Variants in MEGF10 observed in about 807,000 individuals in gnomAD.
MEGF10 encodes the protein multiple epidermal growth factor-like domains protein 10.
A neutral mutation model predicts 147.5 loss-of-function variants in MEGF10; 86 were observed. That is an observed-to-expected ratio of 0.58 (90% CI 0.49 to 0.70). The LOEUF (loss-of-function observed/expected upper bound fraction) is 0.70, where lower values mean the gene tolerates loss of function less well. Ranked by LOEUF, MEGF10 falls within the 30% of genes least tolerant of loss-of-function variation. The pLI, the probability that MEGF10 is intolerant of heterozygous loss-of-function variation, is 0.00. For synonymous variants in MEGF10, 478 were observed against 525.5 expected (o/e 0.91, Z 1.24); for missense variants, 1,329 against 1,487.3 (o/e 0.89, Z 1.75).
the MEGF10 span, among the ~76,000 whole-genome samples, chr5:127,240,714 T>C: frequency 6.6e-6 from 1 of 152,232 alleles, no homozygotes; most frequent in African/African-American, 2.4e-5. Context: ...CACATCATTC[T>C]GTCAGCCCCT....
the MEGF10 span, among the ~76,000 whole-genome samples, chr5:127,247,285 G>A: frequency 8.5e-6 from 1 of 117,236 alleles, no homozygotes; most frequent in Non-Finnish European, 1.8e-5. Context: ...GTGTGTGGTT[G>A]GGGGGTGGGG....
chr5:127,434,841 G>A lies in MEGF10; in HGVS notation c.1975+20G>A, dbSNP rs1319628900. The A allele has an allele frequency of 3.7e-5, 60 of 1,606,900 alleles. No individual in the cohort carries two copies. Among genetic ancestry groups the A allele is most frequent in the Non-Finnish European group, 4.8e-5 (57 of 1,178,276 alleles). On this transcript the variant is annotated intron_variant, in intron 15 of 24. Coordinates refer to ENST00000503335, the MANE Select transcript of MEGF10 (RefSeq NM_001256545.2). The stretch of plus-strand genomic sequence containing the variant: ...ATGAAGGTAAGGCACGAAGCATCCC[G>A]GACAGCTGGGTGGTGATGAGCACGC...
At chr5:127,445,214 G>A (rs777045638) in intron 19 of MEGF10, 8 of 500,162 alleles carry the variant, frequency 1.6e-5, no homozygotes, top group Admixed American at 1.4e-4. Context: ...CTCCGGGCAC[G>A]CATCACTGTG....
At chr5:127,241,964 C>T in the MEGF10 span, among the ~76,000 whole-genome samples, 2 of 152,024 alleles carry the variant, frequency 1.3e-5, no homozygotes, top group Admixed American at 6.6e-5. Context: ...ATTTTAGAAA[C>T]AGTAGATATA....
chr5:127,452,244 T>A (rs1028044260), intron 22 of MEGF10, among the ~76,000 whole-genome samples: 1 of 152,222 alleles, frequency 6.6e-6, no homozygotes, highest in Non-Finnish European at 1.5e-5. Flanking sequence ...GCTGGTTCTC[T>A]CTTTCACACC....
chr5:127,253,105 G>A, the MEGF10 span, among the ~76,000 whole-genome samples: 2 of 151,900 alleles, frequency 1.3e-5, no homozygotes, highest in African/African-American at 4.8e-5. Context: ...ATGCAAAAGT[G>A]ATTTAACACT....
intron 1 of MEGF10, among the ~76,000 whole-genome samples, chr5:127,301,140 AT>A (rs1319452179): frequency 6.6e-6 from 1 of 152,178 alleles, no homozygotes; most frequent in Non-Finnish European, 1.5e-5. Context: ...TCTTTGGCTT[AT>A]CTCCGTCACT....
chr5:127,251,720 T>C, the MEGF10 span, among the ~76,000 whole-genome samples: 1 of 151,842 alleles, frequency 6.6e-6, no homozygotes, highest in South Asian at 2.1e-4. Flanking sequence ...AGAAAAAATA[T>C]AAGCTTGGGG....
intron 4 of MEGF10, among the ~76,000 whole-genome samples, chr5:127,365,010 A>G (rs1762605501): frequency 6.6e-6 from 1 of 152,196 alleles, no homozygotes; most frequent in Non-Finnish European, 1.5e-5. Flanking sequence ...AATGATGCTC[A>G]GTAAAGGCAC....
chr5:127,446,076 T>C (rs1765933286), intron 20 of MEGF10, among the ~76,000 whole-genome samples: 1 of 152,178 alleles, frequency 6.6e-6, no homozygotes, highest in Admixed American at 6.5e-5. Flanking sequence ...TGTCTCTGAA[T>C]GAGGGTACTT....
At chr5:127,441,649 T>C (rs945218054) in intron 18 of MEGF10, among the ~76,000 whole-genome samples, 8 of 152,254 alleles carry the variant, frequency 5.3e-5, no homozygotes, top group African/African-American at 1.9e-4. Flanking sequence ...ACCCACTTTC[T>C]TATGATAAAA....
At chr5:127,339,380 A>G (rs1761592247) in intron 3 of MEGF10, among the ~76,000 whole-genome samples, 159 bp downstream of exon 3, 1 of 152,154 alleles carries the variant, frequency 6.6e-6, no homozygotes, top group Non-Finnish European at 1.5e-5. Context: ...GGGGATGTAG[A>G]AAAGCAGAAA....
In MEGF10 at chr5:127,443,152, G is replaced by T. The variant is rs751531981; in HGVS notation, c.2491+26G>T. 1.9e-6 allele frequency: 3 copies of T among 1,604,832 alleles called. No homozygotes were observed. The Admixed American group carries it at 5.0e-5, about 27-fold the overall frequency. ...GTAAATATACTAGCTAATGTTTGTA[G>T]CACTGCAGTATTGTGTGAACACCAT... On this transcript the variant is annotated intron_variant, in intron 19 of 24. Transcript: ENST00000503335.
chr5:127,274,496 T>C, the MEGF10 span, among the ~76,000 whole-genome samples: 1 of 152,138 alleles, frequency 6.6e-6, no homozygotes, highest in Non-Finnish European at 1.5e-5. Flanking sequence ...TACTTTAGAA[T>C]GATATAATAA....
chr5:127,345,003 A>C (rs1761829157), intron 4 of MEGF10, among the ~76,000 whole-genome samples: 1 of 152,222 alleles, frequency 6.6e-6, no homozygotes. Flanking sequence ...ACAGTAGCTC[A>C]GAAAGATCCT....
chr5:127,423,279 A>G (rs1765090968), intron 13 of MEGF10, among the ~76,000 whole-genome samples: 2 of 152,370 alleles, frequency 1.3e-5, no homozygotes, highest in Admixed American at 6.5e-5. Flanking sequence ...TGACAAATTC[A>G]TAATATGACT....
At chr5:127,355,510 T>TA (rs1251704593) in intron 4 of MEGF10, among the ~76,000 whole-genome samples, 2 of 152,154 alleles carry the variant, frequency 1.3e-5, no homozygotes, top group Non-Finnish European at 2.9e-5. Flanking sequence ...AGGGACCCTG[T>TA]ACTCTGTTGC....
chr5:127,269,158 G>T, the MEGF10 span, among the ~76,000 whole-genome samples: 1 of 152,246 alleles, frequency 6.6e-6, no homozygotes, highest in Non-Finnish European at 1.5e-5. Context: ...CAGAAATGCT[G>T]AAAATTCTAA....
intron 1 of MEGF10, among the ~76,000 whole-genome samples, chr5:127,294,632 C>T (rs1759410796): frequency 6.6e-6 from 1 of 152,050 alleles, no homozygotes; most frequent in South Asian, 2.1e-4. Context: ...AATCCTGTCT[C>T]TACTAAAAAT....
Sources: allele counts gnomAD v4.1 joint callset (sites outside exome capture counted in the v4.1 genomes callset), GRCh38; gene constraint gnomAD v4.1.1; transcripts MANE v1.5; gene names NCBI Gene and HGNC (gene_info 2026-07-23, HGNC 2026-07-21).